Variants in ATF7IP2 observed in about 807,000 individuals in gnomAD.
ATF7IP2 encodes the protein activating transcription factor 7-interacting protein 2.
Under a neutral mutation model 64.2 loss-of-function variants are expected in ATF7IP2, and 42 were observed. The observed-to-expected ratio is 0.65, with a 90% CI of 0.51 to 0.85. The LOEUF (loss-of-function observed/expected upper bound fraction) is 0.85. Among genes scored for constraint, ATF7IP2 ranks in the 40% least tolerant of loss-of-function variants. ATF7IP2 has a pLI of 0.00. For missense variants in ATF7IP2, 933 were observed against 784.2 expected (o/e 1.19, Z -2.27); for synonymous variants, 308 against 272.8 (o/e 1.13, Z -1.27).
At chr16:10,431,538 C>A in intron 5 of ATF7IP2, 83 bp downstream of exon 5, 1 of 872,942 alleles carries the variant, frequency 1.1e-6, no homozygotes, top group Non-Finnish European at 1.7e-6. Flanking sequence ...AATATACAAA[C>A]CAGTATAGAC....
At chr16:10,467,648 A>T (rs1001501676) in intron 9 of ATF7IP2, among the ~76,000 whole-genome samples, 6 of 151,702 alleles carry the variant, frequency 4.0e-5, no homozygotes, top group African/African-American at 1.5e-4. Context: ...GCTCACTGCA[A>T]CCTGTGCCTC....
At chr16:10,465,155 T>C (rs2049518948) in intron 9 of ATF7IP2, among the ~76,000 whole-genome samples, 1 of 152,166 alleles carries the variant, frequency 6.6e-6, no homozygotes, top group Non-Finnish European at 1.5e-5. Context: ...AAAATTTATT[T>C]AATCCTAATA....
intron 9 of ATF7IP2, among the ~76,000 whole-genome samples, chr16:10,469,613 T>C (rs2142059214): frequency 6.6e-6 from 1 of 152,014 alleles, no homozygotes; most frequent in African/African-American, 2.4e-5. Flanking sequence ...CCGTCTCTAC[T>C]AAAAATATAA....
At chr16:10,459,765 G>T (rs2049311663) in intron 9 of ATF7IP2, among the ~76,000 whole-genome samples, 1 of 152,136 alleles carries the variant, frequency 6.6e-6, no homozygotes, top group African/African-American at 2.4e-5. Context: ...TAAATTCGTG[G>T]CAAACTCAGA....
chr16:10,451,600 C>T (rs112300014), intron 8 of ATF7IP2, among the ~76,000 whole-genome samples: 356 of 152,012 alleles, frequency 2.3e-3, no homozygotes, highest in African/African-American at 8.2e-3. Context: ...CTTTCTTCCG[C>T]TTGATCAGTT....
At chr16:10,439,814 G>A (rs1440144736) in intron 7 of ATF7IP2, among the ~76,000 whole-genome samples, 18 of 151,506 alleles carry the variant, frequency 1.2e-4, no homozygotes, top group Non-Finnish European at 2.4e-4. Context: ...AATTACAGGC[G>A]TGAGCCACTG....
chr16:10,429,233 GAC>G (rs2048163161), intron 4 of ATF7IP2, among the ~76,000 whole-genome samples: 1 of 152,172 alleles, frequency 6.6e-6, no homozygotes. Flanking sequence ...TTCATGAAGA[GAC>G]AATCATATAA....
intron 12 of ATF7IP2, among the ~76,000 whole-genome samples, chr16:10,479,536 G>A (rs2050138771): frequency 6.6e-6 from 1 of 151,968 alleles, no homozygotes; most frequent in African/African-American, 2.4e-5. Flanking sequence ...AGCATTAGGA[G>A]ATATACCTAA....
intron 9 of ATF7IP2, among the ~76,000 whole-genome samples, chr16:10,464,542 AC>A (rs1385002968): frequency 6.6e-6 from 1 of 152,228 alleles, no homozygotes; most frequent in Non-Finnish European, 1.5e-5. Context: ...AAAACACATG[AC>A]AAAAATTAAA....
intron 3 of ATF7IP2, among the ~76,000 whole-genome samples, chr16:10,426,084 T>C (rs1258705384): frequency 6.6e-6 from 1 of 152,206 alleles, no homozygotes; most frequent in East Asian, 1.9e-4. Context: ...TTCTATGTGC[T>C]AAAATAAATT....
In ATF7IP2 at chr16:10,482,326, T is replaced by C. The variant is rs973242597; in HGVS notation, c.*77T>C. ...AATGTTACTGTAATACTATTTGCCA[T>C]TGTAAAAGGCCAGCTCAGATTGTGA... is the stretch of plus-strand genomic sequence containing the variant. On this transcript the variant is annotated 3_prime_UTR_variant, in exon 14 of 14. Transcript: ENST00000562102. The C allele has an allele frequency of 8.7e-7, 1 of 1,152,378 alleles. No homozygotes were observed. The highest frequency in any genetic ancestry group is 1.2e-6 in the Non-Finnish European group (1 of 814,736). The allele number at this position is 1,152,378 out of a possible 1,614,324, so 71.4% of individuals were successfully genotyped here.
chr16:10,390,222 A>G (rs1337379684), intron 1 of ATF7IP2, among the ~76,000 whole-genome samples: 2 of 152,176 alleles, frequency 1.3e-5, no homozygotes, highest in African/African-American at 2.4e-5. Context: ...GAAGCAGGAA[A>G]AAACCCAACT....
rs569689426 is a variant in ATF7IP2, at chr16:10,441,702, C to G, written c.1194+1240C>G. 3.9e-5 allele frequency among the ~76,000 whole-genome samples: 6 copies of G among 152,300 alleles called. No homozygotes were observed. The South Asian group carries it at 1.0e-3, about 26-fold the overall frequency. Reference sequence around the variant, plus strand: ...TCTCCCATTCTGTAGGTTGCCTGTTCACTCTGATGATAGTTTCCTTTGCTG... The same window carrying G: ...TCTCCCATTCTGTAGGTTGCCTGTTGACTCTGATGATAGTTTCCTTTGCTG... On this transcript the variant is annotated intron_variant, in intron 8 of 13. Transcript: ENST00000562102.
In ATF7IP2 at chr16:10,412,010, G is replaced by GGTTTTTTTT. The variant is rs1476575065; in HGVS notation, c.-241-2564_-241-2563insGTTTTTTTT. ...CTTTTTGTTTCATTTATCTTTTTTT[G>GGTTTTTTTT]TTTTTTTTTTTTTTTTTTTTTTTTT... On this transcript the variant is annotated intron_variant, in intron 1 of 13. Coordinates refer to ENST00000562102, the MANE Select transcript of ATF7IP2 (RefSeq NM_001393719.1). Among the ~76,000 whole-genome samples the GGTTTTTTTT allele has an allele frequency of 4.8e-3, 282 of 58,386 alleles. 29 individuals carry two copies. Among genetic ancestry groups the GGTTTTTTTT allele is most frequent in the Non-Finnish European group, 6.4e-3 (193 of 30,158 alleles). 38.3% of individuals were successfully genotyped at this position (58,386 alleles called of 152,430 possible).
At position 10,480,895 on chromosome 16, in the gene ATF7IP2, C is replaced by G. The variant is rs372769529; in HGVS notation, c.1566C>G (p.Pro522=). Reference sequence around the variant, plus strand: ...TGTTCACAGAAAGTCCAGTATCCCCCCTGGAGTCACATTCGAAAGCTGCTT... The same window carrying G: ...TGTTCACAGAAAGTCCAGTATCCCCGCTGGAGTCACATTCGAAAGCTGCTT... ...SNCNTESPVS[P]LESHSKAASN... Residue 522 remains proline, a synonymous_variant, in exon 13 of 14, where the codon CCC becomes CCG. Coordinates refer to ENST00000562102, the MANE Select transcript of ATF7IP2 (RefSeq NM_001393719.1). 3.1e-6 allele frequency: 5 copies of G among 1,611,334 alleles called. No individual in the cohort carries two copies. Among genetic ancestry groups the G allele is most frequent in the East Asian group, 2.2e-5 (1 of 44,848 alleles).
rs377733581 is a variant in ATF7IP2 at position 10,408,259 on chromosome 16, G to A, written c.-241-6315G>A. ...CGTTGATTAATGGGCATTTGGGCTG[G>A]TTCCATATTTCTGCAATTGTGAATT... On this transcript the variant is annotated intron_variant, in intron 1 of 13. Coordinates refer to ENST00000562102, the MANE Select transcript of ATF7IP2 (RefSeq NM_001393719.1). Among the ~76,000 whole-genome samples, 16 of 152,266 alleles carry A rather than the reference G, an allele frequency of 1.1e-4. No homozygotes were observed. The South Asian group carries it at 3.3e-3, about 32-fold the overall frequency.
chr16:10,448,273 A>G (rs2048876446), intron 8 of ATF7IP2: 1 of 152,172 alleles, frequency 6.6e-6, no homozygotes, highest in Non-Finnish European at 1.5e-5. Context: ...TTGGTTCCAT[A>G]TGAAATTTTA....
rs148162098 is a variant in ATF7IP2 at position 10,452,429 on chromosome 16, C to T, written c.1195-4943C>T. Among the ~76,000 whole-genome samples, 984 of 152,324 alleles carry T rather than the reference C, an allele frequency of 6.5e-3. 10 individuals are homozygous for T. Among genetic ancestry groups the T allele is most frequent in the African/African-American group, 0.022 (913 of 41,562 alleles). On this transcript the variant is annotated intron_variant, in intron 8 of 13. Transcript: ENST00000562102. The stretch of plus-strand genomic sequence containing the variant: ...ACCTTGTTTGCCTGGGTATCACCAG[C>T]AGAGGCTGCAGAACAGCAACGATTG...
At chr16:10,433,931 T>A (rs1378980579) in intron 6 of ATF7IP2, among the ~76,000 whole-genome samples, 1 of 152,172 alleles carries the variant, frequency 6.6e-6, no homozygotes, top group African/African-American at 2.4e-5. Context: ...AGTATTACAC[T>A]CATATTTGTC....
Sources: allele counts gnomAD v4.1 joint callset (sites outside exome capture counted in the v4.1 genomes callset), GRCh38; gene constraint gnomAD v4.1.1; transcripts MANE v1.5; gene names NCBI Gene and HGNC (gene_info 2026-07-23, HGNC 2026-07-21).